AFAP1L2: variants seen among roughly 807,000 people sequenced by gnomAD.
AFAP1L2 encodes actin filament-associated protein 1-like 2.
A neutral mutation model predicts 99.3 loss-of-function variants in AFAP1L2; 46 were observed. The ratio of observed to expected loss-of-function variants is 0.46; its 90% CI spans 0.37 to 0.59. The LOEUF (loss-of-function observed/expected upper bound fraction) is 0.59, where lower values mean the gene tolerates loss of function less well. AFAP1L2 is among the 20% of genes least tolerant of loss of function. The pLI, the probability that AFAP1L2 is intolerant of heterozygous loss-of-function variation, is 0.00. For synonymous variants in AFAP1L2, 397 were observed against 419.1 expected, an observed-to-expected ratio of 0.95 and a Z score of 0.64; for missense variants, 959 against 1,034.9, an observed-to-expected ratio of 0.93 and a Z score of 1.01.
At chr10:114,356,421 A>C (rs1450856602) in intron 1 of AFAP1L2, among the ~76,000 whole-genome samples, 1 of 152,224 alleles carries the variant, frequency 6.6e-6, no homozygotes, top group Non-Finnish European at 1.5e-5. Flanking sequence ...ATGTAAAATA[A>C]ACATTTTTAA....
At chr10:114,370,659 T>C (rs899392076) in intron 1 of AFAP1L2, among the ~76,000 whole-genome samples, 3 of 152,228 alleles carry the variant, frequency 2.0e-5, no homozygotes, top group African/African-American at 4.8e-5. Flanking sequence ...GGATAAACTG[T>C]AAGACTGTTT....
chr10:114,348,983 T>C (rs930851560), intron 1 of AFAP1L2, among the ~76,000 whole-genome samples: 10 of 152,330 alleles, frequency 6.6e-5, no homozygotes, highest in African/African-American at 1.4e-4. Context: ...CTGATCTACA[T>C]GTAGAACTTT....
Position 114,297,416 on chromosome 10 carries a change from GGA to G in AFAP1L2, c.2114-5_2114-4del. On this transcript the variant is annotated splice_polypyrimidine_tract_variant and splice_region_variant and intron_variant, in intron 16 of 18. Transcript: ENST00000304129. ...CAGGCTCGCCAGGACTTCCTTGTCT[GGA>G]GAGAGAATTATGCAGGTGTCAGAGA... The G allele has an allele frequency of 1.2e-6, 2 of 1,611,690 alleles. No individual in the cohort carries two copies. Among genetic ancestry groups the G allele is most frequent in the East Asian group, 2.2e-5 (1 of 44,844 alleles).
At chr10:114,362,093 G>A (rs956190286) in intron 1 of AFAP1L2, among the ~76,000 whole-genome samples, 4 of 152,310 alleles carry the variant, frequency 2.6e-5, no homozygotes, top group South Asian at 2.1e-4. Context: ...AAGTTTTATC[G>A]CTTCTTTGAG....
chr10:114,301,293 G>T, intron 13 of AFAP1L2, 61 bp downstream of exon 13: 1 of 1,368,460 alleles, frequency 7.3e-7, no homozygotes, highest in Non-Finnish European at 1.0e-6. Flanking sequence ...GCATCCAGGT[G>T]TTGAGGTTGG....
Position 114,295,936 on chromosome 10 carries a change from T to G in AFAP1L2, c.*106A>C. On this transcript the variant is annotated 3_prime_UTR_variant, in exon 19 of 19. Coordinates refer to ENST00000304129, the MANE Select transcript of AFAP1L2 (RefSeq NM_001001936.3). ...CATTCACAGTACCTCAGTCTTTGCT[T>G]TTTCTTCTAAACAGACTCACCCTTT... 1 of 1,601,732 alleles carries G rather than the reference T, an allele frequency of 6.2e-7. No homozygotes were observed. The highest frequency in any genetic ancestry group is 2.2e-5 in the East Asian group (1 of 44,682).
At chr10:114,346,522 CA>C (rs1308855143) in intron 1 of AFAP1L2, among the ~76,000 whole-genome samples, 1 of 152,198 alleles carries the variant, frequency 6.6e-6, no homozygotes, top group East Asian at 1.9e-4. Context: ...GTGCCAACCT[CA>C]GTGACATTTA....
intron 1 of AFAP1L2, among the ~76,000 whole-genome samples, chr10:114,365,610 C>T (rs2053106846): frequency 6.6e-6 from 1 of 152,118 alleles, no homozygotes; most frequent in Admixed American, 6.6e-5. Context: ...AGGCTCATGG[C>T]CCCTACAAAT....
the AFAP1L2 span, among the ~76,000 whole-genome samples, chr10:114,283,861 C>A: frequency 1.3e-5 from 2 of 152,234 alleles, no homozygotes; most frequent in Admixed American, 1.3e-4. Flanking sequence ...TAGCCTCAAT[C>A]TTTTCTGCCT....
chr10:114,361,308 CA>C (rs1418379732), intron 1 of AFAP1L2, among the ~76,000 whole-genome samples: 1 of 152,126 alleles, frequency 6.6e-6, no homozygotes, highest in Non-Finnish European at 1.5e-5. Context: ...GACCAAGGGT[CA>C]GAAAATCAAC....
the AFAP1L2 span, chr10:114,285,860 A>C: frequency 7.2e-7 from 1 of 1,390,928 alleles, no homozygotes; most frequent in Non-Finnish European, 9.6e-7. Context: ...CTCCTGGGAG[A>C]TGTTCGGCAT....
At position 114,354,588 on chromosome 10, in the gene AFAP1L2, T is replaced by C. The variant is rs148532705; in HGVS notation, c.17-13857A>G. Reference sequence around the variant, plus strand: ...CTGGTCATCCCTCAGGCCCTGGTGATGAGTTCAACTAATTCAAGCAAGACT... The same window carrying C: ...CTGGTCATCCCTCAGGCCCTGGTGACGAGTTCAACTAATTCAAGCAAGACT... On this transcript the variant is annotated intron_variant, in intron 1 of 18. Coordinates refer to ENST00000304129, the MANE Select transcript of AFAP1L2 (RefSeq NM_001001936.3). 7.8e-3 allele frequency among the ~76,000 whole-genome samples: 1,182 copies of C among 152,330 alleles called. 9 individuals carry two copies. Among genetic ancestry groups the C allele is most frequent in the Non-Finnish European group, 0.012 (826 of 68,026 alleles).
chr10:114,293,853 TG>T (rs2039826458), downstream of AFAP1L2, among the ~76,000 whole-genome samples: 1 of 152,224 alleles, frequency 6.6e-6, no homozygotes, highest in African/African-American at 2.4e-5. Context: ...CTTGTCATTT[TG>T]CATTGCCTGG....
At chr10:114,340,025 A>AAG (rs1554916360) in intron 2 of AFAP1L2, among the ~76,000 whole-genome samples, 2 of 140,632 alleles carry the variant, frequency 1.4e-5, no homozygotes, top group Admixed American at 1.4e-4. Context: ...AAAAAAAAAA[A>AAG]GAGAGAGAGA....
intron 4 of AFAP1L2, among the ~76,000 whole-genome samples, chr10:114,324,868 A>G (rs762765189): frequency 6.6e-6 from 1 of 152,170 alleles, no homozygotes; most frequent in African/African-American, 2.4e-5. Context: ...CCTGCCATGA[A>G]AAATGGATTT....
intron 7 of AFAP1L2, 44 bp from the exon 8 acceptor site, chr10:114,310,487 G>A: frequency 6.4e-7 from 1 of 1,568,332 alleles, no homozygotes; most frequent in South Asian, 1.2e-5. Context: ...AGGTCCTCTG[G>A]CCAGCACTCA....
At chr10:114,403,206 C>A (rs1360969513) in intron 1 of AFAP1L2, among the ~76,000 whole-genome samples, 1 of 152,234 alleles carries the variant, frequency 6.6e-6, no homozygotes, top group Non-Finnish European at 1.5e-5. Flanking sequence ...CCCTGTCCCC[C>A]ACGCCGGCTC....
At chr10:114,350,927 G>A (rs2050378818) in intron 1 of AFAP1L2, among the ~76,000 whole-genome samples, 1 of 152,204 alleles carries the variant, frequency 6.6e-6, no homozygotes, top group Middle Eastern at 3.2e-3. Context: ...GGAGGCCTTT[G>A]TTCCTCAGCC....
At position 114,333,229 on chromosome 10, in the gene AFAP1L2, T is replaced by TGA. The variant is rs1331782790; in HGVS notation, c.210_211dup (p.Gln71LeufsTer36). On this transcript the variant is annotated frameshift_variant, in exon 3 of 19. Coordinates refer to ENST00000304129, the MANE Select transcript of AFAP1L2 (RefSeq NM_001001936.3). LOFTEE classifies it high-confidence loss of function. ...TGATCCCAGCCTCATACCTTTGCCT[T>TGA]GAGACTCTGCATTCTGTTGCTTGTT... The TGA allele has an allele frequency of 6.2e-7, 1 of 1,613,362 alleles. No individual in the cohort carries two copies. The highest frequency in any genetic ancestry group is 8.5e-7 in the Non-Finnish European group (1 of 1,179,764).
Sources: allele counts gnomAD v4.1 joint callset (sites outside exome capture counted in the v4.1 genomes callset), GRCh38; gene constraint gnomAD v4.1.1; transcripts MANE v1.5; gene names NCBI Gene and HGNC (gene_info 2026-07-23, HGNC 2026-07-21).